SLC8A1: variants seen among roughly 807,000 people sequenced by gnomAD.
SLC8A1 encodes sodium/calcium exchanger 1.
SLC8A1 carries 18 observed loss-of-function variants against 68.3 expected under a neutral mutation model. The observed-to-expected ratio is 0.26, with a 90% confidence interval of 0.18 to 0.39. The LOEUF (loss-of-function observed/expected upper bound fraction) is 0.39. Ranked by LOEUF, SLC8A1 falls within the 10% of genes least tolerant of loss-of-function variation. The probability of loss-of-function intolerance (pLI) is 1.00; values close to 1 mark genes in which losing one functional copy is unlikely to be tolerated. For synonymous variants in SLC8A1, 475 were observed against 415.5 expected, an observed-to-expected ratio of 1.14 and a Z score of -1.74; for missense variants, 985 against 1,156.7, an observed-to-expected ratio of 0.85 and a Z score of 2.15.
chr2:40,449,374 G>C (rs773447842), intron 1 of SLC8A1, among the ~76,000 whole-genome samples: 1 of 152,072 alleles, frequency 6.6e-6, no homozygotes, highest in Non-Finnish European at 1.5e-5. Context: ...TGTTTATTTT[G>C]CAAGTAAATA....
At chr2:40,383,568 A>G (rs1462565467) in intron 2 of SLC8A1, among the ~76,000 whole-genome samples, 17 of 152,142 alleles carry the variant, frequency 1.1e-4, no homozygotes, top group Non-Finnish European at 1.6e-4. Flanking sequence ...CAACTATGAT[A>G]GTACTCACTA....
intron 2 of SLC8A1, among the ~76,000 whole-genome samples, chr2:40,390,462 G>A (rs1048800496): frequency 7.2e-5 from 11 of 152,186 alleles, no homozygotes; most frequent in African/African-American, 2.6e-4. Context: ...TCTCCAAGTA[G>A]AGTCCCTGGA....
At chr2:40,397,945 G>A (rs752119550) in intron 2 of SLC8A1, among the ~76,000 whole-genome samples, 1 of 152,004 alleles carries the variant, frequency 6.6e-6, no homozygotes, top group Non-Finnish European at 1.5e-5. Flanking sequence ...ATGGCCTGTG[G>A]GACACTGAAC....
At chr2:40,453,522 C>T (rs928455330), upstream of SLC8A1, 2 of 152,228 alleles carry the variant, frequency 1.3e-5, no homozygotes, top group African/African-American at 4.8e-5. Context: ...GCCCCTGTGC[C>T]AGTGGCTCTC....
intron 4 of SLC8A1, 28 bp downstream of exon 6, chr2:40,174,678 T>C (rs780710659): frequency 6.8e-7 from 1 of 1,477,604 alleles, no homozygotes; most frequent in South Asian, 1.2e-5. Flanking sequence ...TGGGGAAAAA[T>C]AAGGAACATT....
At chr2:40,435,241 T>C (rs1239640908) in intron 1 of SLC8A1, among the ~76,000 whole-genome samples, 15 of 152,140 alleles carry the variant, frequency 9.9e-5, no homozygotes, top group Admixed American at 9.8e-4. Context: ...TAAGGCAACA[T>C]TAAAGCAACC....
chr2:40,114,160 C>T (rs186242658), exon 8 of SLC8A1: 431 of 152,862 alleles, frequency 2.8e-3, no homozygotes, highest in Admixed American at 4.1e-3. Context: ...ATTTGTTTTT[C>T]ACCATGCACT....
At chr2:40,507,923 A>T (rs995795148) in intron 1 of SLC8A1, among the ~76,000 whole-genome samples, 36 of 152,116 alleles carry the variant, frequency 2.4e-4, no homozygotes, top group Admixed American at 2.2e-3. Context: ...TTTTAACTGC[A>T]ACAACAAAAA....
At chr2:40,362,839 A>G (rs1674995787) in intron 2 of SLC8A1, among the ~76,000 whole-genome samples, 3 of 152,170 alleles carry the variant, frequency 2.0e-5, no homozygotes, top group Admixed American at 2.0e-4. Context: ...TCTCATAATT[A>G]TAAACTGAAC....
intron 2 of SLC8A1, among the ~76,000 whole-genome samples, chr2:40,213,870 A>C (rs1485659928): frequency 6.6e-6 from 1 of 152,208 alleles, no homozygotes; most frequent in Non-Finnish European, 1.5e-5. Flanking sequence ...CAAATTTGCA[A>C]GCTGTGGCTA....
At chr2:40,468,176 C>T (rs919144055) in intron 1 of SLC8A1, among the ~76,000 whole-genome samples, 2 of 152,066 alleles carry the variant, frequency 1.3e-5, no homozygotes, top group African/African-American at 4.8e-5. Context: ...GTTATTATTT[C>T]CCTCCACTAC....
chr2:40,454,481 T>C (rs1237585724), upstream of SLC8A1, among the ~76,000 whole-genome samples: 1 of 96,894 alleles, frequency 1.0e-5, no homozygotes, highest in Admixed American at 1.1e-4. Context: ...GTCTTAAGAC[T>C]TTTTTTTTTT....
intron 2 of SLC8A1, among the ~76,000 whole-genome samples, chr2:40,386,644 C>G (rs540606204): frequency 1.4e-5 from 2 of 140,184 alleles, no homozygotes; most frequent in Non-Finnish European, 3.2e-5. Context: ...AAAGGGAAAA[C>G]AATGCAGTTA....
chr2:40,317,621 ATGTTATACTGCAT>A (rs1344580466), intron 2 of SLC8A1, among the ~76,000 whole-genome samples: 3 of 152,082 alleles, frequency 2.0e-5, no homozygotes, highest in African/African-American at 7.2e-5. Context: ...TTTATTTAAA[ATGTTATACTGCAT>A]TGTGCTTTTT....
intron 2 of SLC8A1, among the ~76,000 whole-genome samples, chr2:40,426,204 C>T (rs937692982): frequency 1.3e-5 from 2 of 151,890 alleles, no homozygotes; most frequent in African/African-American, 2.4e-5. Flanking sequence ...AAGTTAAATG[C>T]TTTGCCATTT....
intron 1 of SLC8A1, among the ~76,000 whole-genome samples, chr2:40,480,865 T>C (rs1704583176): frequency 6.6e-6 from 1 of 152,216 alleles, no homozygotes; most frequent in Non-Finnish European, 1.5e-5. Context: ...CAGCAGCCAC[T>C]GACTTACAAA....
At chr2:40,433,915 A>T (rs1254197079) in intron 1 of SLC8A1, among the ~76,000 whole-genome samples, 1 of 152,142 alleles carries the variant, frequency 6.6e-6, no homozygotes, top group Admixed American at 6.5e-5. Flanking sequence ...CCTGGCTTTT[A>T]TCTTATGCAT....
At chr2:40,450,239 C>T (rs1462111336) in intron 1 of SLC8A1, among the ~76,000 whole-genome samples, 3 of 152,150 alleles carry the variant, frequency 2.0e-5, no homozygotes, top group Non-Finnish European at 2.9e-5. Flanking sequence ...CCAATCATCC[C>T]TCTTCCGGCT....
intron 1 of SLC8A1, among the ~76,000 whole-genome samples, chr2:40,440,800 T>A (rs1700321216): frequency 6.6e-6 from 1 of 152,194 alleles, no homozygotes; most frequent in African/African-American, 2.4e-5. Context: ...GAGCTACTTA[T>A]GGCAAGCCAA....
Sources: allele counts gnomAD v4.1 joint callset (sites outside exome capture counted in the v4.1 genomes callset), GRCh38; gene constraint gnomAD v4.1.1; transcripts MANE v1.5; gene names NCBI Gene and HGNC (gene_info 2026-07-23, HGNC 2026-07-21).